APBB1IP: variants seen among roughly 807,000 people sequenced by gnomAD.
APBB1IP encodes amyloid beta A4 precursor protein-binding family B member 1-interacting protein.
APBB1IP carries 27 observed loss-of-function variants against 64.9 expected under a neutral mutation model. That is an observed-to-expected ratio of 0.42 (90% CI 0.31 to 0.57). The LOEUF (loss-of-function observed/expected upper bound fraction) is 0.57, where lower values mean the gene tolerates loss of function less well. Ranked by LOEUF, APBB1IP falls within the 20% of genes least tolerant of loss-of-function variation. The pLI is 0.20. For missense variants in APBB1IP, 812 were observed against 845.5 expected, an observed-to-expected ratio of 0.96 and a Z score of 0.49; for synonymous variants, 392 against 331.0, an observed-to-expected ratio of 1.18 and a Z score of -2.00.
At chr10:26,554,051 C>A (rs538237451) in intron 11 of APBB1IP, among the ~76,000 whole-genome samples, 4 of 152,272 alleles carry the variant, frequency 2.6e-5, no homozygotes, top group Admixed American at 2.6e-4. Flanking sequence ...AATTCCTAAT[C>A]CGTAGTGGAC....
intron 8 of APBB1IP, among the ~76,000 whole-genome samples, chr10:26,514,032 C>A (rs996632340): frequency 1.1e-4 from 16 of 152,112 alleles, no homozygotes; most frequent in African/African-American, 3.9e-4. Context: ...CTGCGCCCAG[C>A]CAAGGATTTT....
intron 11 of APBB1IP, among the ~76,000 whole-genome samples, chr10:26,548,924 C>A (rs1483455200): frequency 2.0e-5 from 3 of 152,150 alleles, no homozygotes; most frequent in Non-Finnish European, 4.4e-5. Context: ...TGTTTGAGAT[C>A]TTAGGGAAAA....
intron 12 of APBB1IP, 135 bp from the exon 13 acceptor site, chr10:26,560,595 A>C: frequency 1.7e-6 from 1 of 605,658 alleles, no homozygotes; most frequent in Non-Finnish European, 2.8e-6. Context: ...GGAAATATCC[A>C]AAAAACCAAC....
At chr10:26,487,442 A>G (rs1835905979) in intron 2 of APBB1IP, among the ~76,000 whole-genome samples, 1 of 152,118 alleles carries the variant, frequency 6.6e-6, no homozygotes, top group African/African-American at 2.4e-5. Context: ...CCTGAAGTCA[A>G]ATGTCTTTTT....
At chr10:26,468,774 C>T (rs1378497596) in intron 2 of APBB1IP, among the ~76,000 whole-genome samples, 1 of 152,222 alleles carries the variant, frequency 6.6e-6, no homozygotes, top group Non-Finnish European at 1.5e-5. Flanking sequence ...TGGCTTGTTC[C>T]TGCTCCTGTT....
intron 2 of APBB1IP, among the ~76,000 whole-genome samples, chr10:26,454,543 G>A (rs1017034775): frequency 2.4e-5 from 3 of 124,842 alleles, no homozygotes; most frequent in African/African-American, 1.1e-4. Flanking sequence ...TGGAGGTAGA[G>A]AGTAGAAGGA....
In APBB1IP at chr10:26,527,122, C is replaced by T. The variant is rs16927065; in HGVS notation, c.814-6317C>T. Among the ~76,000 whole-genome samples, 1,468 of 152,334 alleles carry T rather than the reference C, an allele frequency of 9.6e-3. 20 individuals carry two copies. Among genetic ancestry groups the T allele is most frequent in the African/African-American group, 0.034 (1,396 of 41,560 alleles). On this transcript the variant is annotated intron_variant, in intron 8 of 14. Transcript: ENST00000376236. Reference sequence around the variant, plus strand: ...AGGTGTGGTTAGAAGGAAAGTTATACAGTAATCACCTTTATGGTCCCCAGC... The same window carrying T: ...AGGTGTGGTTAGAAGGAAAGTTATATAGTAATCACCTTTATGGTCCCCAGC...
chr10:26,510,147 T>A (rs1836234687), intron 6 of APBB1IP, among the ~76,000 whole-genome samples: 1 of 152,266 alleles, frequency 6.6e-6, no homozygotes, highest in East Asian at 1.9e-4. Context: ...CTTCTGTATT[T>A]TTAGTAGAGA....
chr10:26,547,577 G>A (rs180922629), intron 11 of APBB1IP, among the ~76,000 whole-genome samples: 1 of 152,228 alleles, frequency 6.6e-6, no homozygotes, highest in East Asian at 1.9e-4. Context: ...GAGTAGCTGG[G>A]ATTACAGGAA....
intron 2 of APBB1IP, among the ~76,000 whole-genome samples, chr10:26,441,471 G>A (rs958370506): frequency 6.6e-6 from 1 of 152,158 alleles, no homozygotes; most frequent in South Asian, 2.1e-4. Context: ...CCTGAGGACA[G>A]CTTTTGGGGG....
At chr10:26,508,745 A>ATG (rs144589469) in intron 6 of APBB1IP, among the ~76,000 whole-genome samples, 6 of 151,842 alleles carry the variant, frequency 4.0e-5, no homozygotes, top group East Asian at 1.9e-4. Context: ...TCTTGGTTAT[A>ATG]TGTGTGTGTG....
rs377432699 is a variant in APBB1IP, at chr10:26,478,551, G to A, written c.1-13776G>A. On this transcript the variant is annotated intron_variant, in intron 2 of 14. Transcript: ENST00000376236. ...AATCACTTGAACCTGGGAGCTGGAG[G>A]TTGCAGTGAGCCAAGATTGTGCCAC... Among the ~76,000 whole-genome samples, 75 of 150,802 alleles carry A rather than the reference G, an allele frequency of 5.0e-4. 1 individual carries two copies. The South Asian group carries it at 0.012, about 24-fold the overall frequency.
intron 6 of APBB1IP, among the ~76,000 whole-genome samples, chr10:26,509,436 T>C (rs545630707): frequency 6.6e-6 from 1 of 152,344 alleles, no homozygotes; most frequent in African/African-American, 2.4e-5. Context: ...AGGTATTACA[T>C]GATTGCTTCA....
rs372768211 is a variant in APBB1IP, at chr10:26,548,296, CA to C, written c.1155+6605del. On this transcript the variant is annotated intron_variant, in intron 11 of 14. Coordinates refer to ENST00000376236, the MANE Select transcript of APBB1IP (RefSeq NM_019043.4). Reference sequence around the variant, plus strand: ...TGGTGTGCTGCACCCATTAACTCGTCATTTAACATTAGGTATGTCTCCTAAT... The same window carrying C: ...TGGTGTGCTGCACCCATTAACTCGTCTTTAACATTAGGTATGTCTCCTAAT... 6.0e-3 allele frequency among the ~76,000 whole-genome samples: 913 copies of C among 151,932 alleles called. 18 individuals are homozygous for C. Among genetic ancestry groups the C allele is most frequent in the South Asian group, 0.055 (265 of 4,812 alleles).
chr10:26,475,685 T>G (rs1049284188), intron 2 of APBB1IP, among the ~76,000 whole-genome samples: 2 of 152,070 alleles, frequency 1.3e-5, no homozygotes, highest in African/African-American at 4.8e-5. Flanking sequence ...AAGAAAAGAG[T>G]GATATTATCT....
intron 8 of APBB1IP, among the ~76,000 whole-genome samples, chr10:26,514,089 A>T (rs79201314): frequency 0.021 from 3,222 of 152,304 alleles, 111 homozygotes; most frequent in African/African-American, 0.072. Context: ...TGTCTCACAA[A>T]ATATCACAAA....
At chr10:26,492,503 G>A in intron 3 of APBB1IP, 105 bp downstream of exon 3, 1 of 1,004,574 alleles carries the variant, frequency 1.0e-6, no homozygotes, top group South Asian at 1.4e-5. Context: ...CTGATATCGG[G>A]GGAACCAGCC....
At chr10:26,509,582 TA>T (rs781493437) in intron 6 of APBB1IP, 4 of 152,188 alleles carry the variant, frequency 2.6e-5, no homozygotes, top group Non-Finnish European at 5.9e-5. Context: ...TAGGAAAGAA[TA>T]AAGCTACAGC....
chr10:26,464,075 C>T (rs1465214438), intron 2 of APBB1IP, among the ~76,000 whole-genome samples: 1 of 152,162 alleles, frequency 6.6e-6, no homozygotes, highest in Non-Finnish European at 1.5e-5. Flanking sequence ...TCTGTCTTGG[C>T]TCTGTCTTCA....
Sources: allele counts gnomAD v4.1 joint callset (sites outside exome capture counted in the v4.1 genomes callset), GRCh38; gene constraint gnomAD v4.1.1; transcripts MANE v1.5; gene names NCBI Gene and HGNC (gene_info 2026-07-23, HGNC 2026-07-21).